HMGA2: variants seen among roughly 807,000 people sequenced by gnomAD.
HMGA2 encodes the protein high mobility group AT-hook 2, also known as high mobility group protein HMGI-C.
A neutral mutation model predicts 19.1 loss-of-function variants in HMGA2; 8 were observed. The ratio of observed to expected loss-of-function variants is 0.42; its 90% CI spans 0.25 to 0.76. The LOEUF is 0.76. HMGA2 is among the 30% of genes least tolerant of loss of function. The pLI, the probability that HMGA2 is intolerant of heterozygous loss-of-function variation, is 0.28. For synonymous variants in HMGA2, 60 were observed against 48.8 expected, an observed-to-expected ratio of 1.23 and a Z score of -0.96; for missense variants, 109 against 136.3, an observed-to-expected ratio of 0.80 and a Z score of 1.00.
intron 2 of HMGA2, among the ~76,000 whole-genome samples, chr12:65,834,612 G>C (rs11175940): frequency 8.8e-6 from 1 of 113,374 alleles, no homozygotes; most frequent in Non-Finnish European, 1.7e-5. Flanking sequence ...CCCTCCCTCC[G>C]TTCCTCCCTG....
At chr12:65,879,911 T>G (rs1274467609) in intron 3 of HMGA2, among the ~76,000 whole-genome samples, 1 of 152,186 alleles carries the variant, frequency 6.6e-6, no homozygotes, top group Admixed American at 6.5e-5. Flanking sequence ...TAAAAACAAC[T>G]CGATGAATAG....
intron 3 of HMGA2, among the ~76,000 whole-genome samples, chr12:65,898,791 T>TCC (rs1874244156): frequency 6.6e-6 from 1 of 152,064 alleles, no homozygotes; most frequent in African/African-American, 2.4e-5. Context: ...ACGCCTTTAA[T>TCC]CCCAGCACTT....
intron 3 of HMGA2, among the ~76,000 whole-genome samples, chr12:65,875,856 C>A (rs968419558): frequency 6.6e-6 from 1 of 151,416 alleles, no homozygotes; most frequent in South Asian, 2.1e-4. Flanking sequence ...TGCTTTTTTT[C>A]TTTGAATTAT....
intron 3 of HMGA2, among the ~76,000 whole-genome samples, chr12:65,914,005 G>T (rs1874962247): frequency 6.6e-6 from 1 of 152,176 alleles, no homozygotes; most frequent in Admixed American, 6.5e-5. Context: ...ATGTTTTGGA[G>T]AGGATGTGGA....
intron 3 of HMGA2, among the ~76,000 whole-genome samples, chr12:65,909,608 GA>G (rs34597386): frequency 6.6e-6 from 1 of 150,712 alleles, no homozygotes; most frequent in Non-Finnish European, 1.5e-5. Context: ...AACCAACAAA[GA>G]AAAAAAAGGG....
At chr12:65,941,277 A>G (rs557135284) in intron 3 of HMGA2, among the ~76,000 whole-genome samples, 13 of 152,332 alleles carry the variant, frequency 8.5e-5, no homozygotes, top group Non-Finnish European at 1.0e-4. Flanking sequence ...AGGAAAGGTC[A>G]TCAATCCAGA....
chr12:65,915,056 C>T, intron 3 of HMGA2: 2 of 1,613,618 alleles, frequency 1.2e-6, no homozygotes, highest in Non-Finnish European at 8.5e-7. Flanking sequence ...GTCATATCCA[C>T]AGGACAATCT....
chr12:65,947,861 T>C (rs1376918266), intron 3 of HMGA2, among the ~76,000 whole-genome samples: 1 of 152,248 alleles, frequency 6.6e-6, no homozygotes, highest in Non-Finnish European at 1.5e-5. Context: ...TCTTGTCCCC[T>C]GCGATTCACT....
chr12:65,892,353 A>ACGAGAGT, intron 3 of HMGA2, among the ~76,000 whole-genome samples: 1 of 152,272 alleles, frequency 6.6e-6, no homozygotes, highest in East Asian at 1.9e-4. Flanking sequence ...TGCCAGCACC[A>ACGAGAGT]CGAGAGTCGT....
chr12:65,946,159 G>C (rs1876256701), intron 3 of HMGA2, among the ~76,000 whole-genome samples: 1 of 152,064 alleles, frequency 6.6e-6, no homozygotes. Context: ...TTCTTTATTA[G>C]TAAATAGCTA....
intron 3 of HMGA2, among the ~76,000 whole-genome samples, chr12:65,889,213 C>T (rs972933389): frequency 6.6e-6 from 1 of 152,178 alleles, no homozygotes; most frequent in Non-Finnish European, 1.5e-5. Context: ...TGGTAAGACT[C>T]ATTTTTGGAA....
chr12:65,915,576 T>C, intron 3 of HMGA2: 1 of 1,068,886 alleles, frequency 9.4e-7, no homozygotes, highest in South Asian at 3.5e-5. Context: ...ATGACTTTCC[T>C]TTCTCATTCC....
At chr12:65,915,615 C>A in intron 3 of HMGA2, 1 of 943,766 alleles carries the variant, frequency 1.1e-6, no homozygotes, top group Non-Finnish European at 1.3e-6. Context: ...CTTTTATCCT[C>A]TGTGCAGTTT....
intron 2 of HMGA2, among the ~76,000 whole-genome samples, chr12:65,830,500 T>C (rs1436639930): frequency 1.3e-5 from 2 of 151,824 alleles, no homozygotes; most frequent in East Asian, 1.9e-4. Context: ...CTGAGACCCA[T>C]CACAATGCAA....
intron 3 of HMGA2, among the ~76,000 whole-genome samples, chr12:65,896,755 T>G (rs747349498): frequency 4.6e-5 from 7 of 152,238 alleles, no homozygotes; most frequent in Admixed American, 1.3e-4. Flanking sequence ...CTGTGTTTTC[T>G]TAATTGATTA....
intron 3 of HMGA2, among the ~76,000 whole-genome samples, chr12:65,843,898 A>G (rs1204975235): frequency 6.6e-6 from 1 of 152,038 alleles, no homozygotes; most frequent in Non-Finnish European, 1.5e-5. Flanking sequence ...ATAATACAAA[A>G]ACTACCTGAG....
At chr12:65,832,423 C>A (rs1360864022) in intron 2 of HMGA2, among the ~76,000 whole-genome samples, 1 of 151,992 alleles carries the variant, frequency 6.6e-6, no homozygotes, top group East Asian at 1.9e-4. Context: ...ACATTCCTGG[C>A]TCATTTTTAT....
intron 4 of HMGA2, chr12:65,955,458 C>T (rs1307907334): frequency 6.6e-6 from 1 of 152,122 alleles, no homozygotes; most frequent in East Asian, 1.9e-4. Flanking sequence ...TCGTTTATTG[C>T]TATTTCCCTT....
At chr12:65,876,603 A>C in intron 3 of HMGA2, among the ~76,000 whole-genome samples, 1 of 152,250 alleles carries the variant, frequency 6.6e-6, no homozygotes, top group Admixed American at 6.5e-5. Context: ...TCATTTATAA[A>C]GCACGCAAAA....
Sources: gnomAD v4.1 joint callset for allele counts (sites outside exome capture counted in the v4.1 genomes callset) on GRCh38, gnomAD v4.1.1 for gene constraint, MANE v1.5 for transcripts, NCBI Gene and HGNC (gene_info 2026-07-23, HGNC 2026-07-21) for gene names.